NFATC2: variants seen among roughly 807,000 people sequenced by gnomAD.
The protein encoded by NFATC2 is nuclear factor of activated T-cells, cytoplasmic 2.
A neutral mutation model predicts 87.3 loss-of-function variants in NFATC2; 22 were observed. That is an observed-to-expected ratio of 0.25 (90% CI 0.18 to 0.36). NFATC2 has a LOEUF of 0.36. Among genes scored for constraint, NFATC2 ranks in the 10% least tolerant of loss-of-function variants. The probability of loss-of-function intolerance (pLI) is 1.00; values close to 1 mark genes in which losing one functional copy is unlikely to be tolerated. For missense variants in NFATC2, 1,149 were observed against 1,259.1 expected, an observed-to-expected ratio of 0.91 and a Z score of 1.32; for synonymous variants, 565 against 542.2, an observed-to-expected ratio of 1.04 and a Z score of -0.58.
chr20:51,513,258 A>G (rs1320660972), intron 3 of NFATC2, among the ~76,000 whole-genome samples: 1 of 152,180 alleles, frequency 6.6e-6, no homozygotes, highest in Non-Finnish European at 1.5e-5. Flanking sequence ...TGGTAGGATC[A>G]CTTGAGCCCA....
intron 5 of NFATC2, among the ~76,000 whole-genome samples, chr20:51,473,140 G>T (rs1483200652): frequency 6.6e-6 from 1 of 152,080 alleles, no homozygotes; most frequent in East Asian, 1.9e-4. Flanking sequence ...CTTCCAAATG[G>T]CAGATCCTGG....
upstream of NFATC2, chr20:51,542,750 G>T: frequency 5.3e-6 from 3 of 567,898 alleles, no homozygotes; most frequent in Non-Finnish European, 6.1e-6. Flanking sequence ...CCGGGGAGGC[G>T]GGGGGGGGGG....
At chr20:51,543,587 C>T (rs1298608201), upstream of NFATC2, among the ~76,000 whole-genome samples, 2 of 152,158 alleles carry the variant, frequency 1.3e-5, no homozygotes, top group African/African-American at 4.8e-5. Context: ...ACGAGGAGTA[C>T]AGTTCTGATG....
chr20:51,540,643 TGAA>T (rs2076792303), intron 1 of NFATC2, among the ~76,000 whole-genome samples: 1 of 124,106 alleles, frequency 8.1e-6, no homozygotes, highest in Non-Finnish European at 1.7e-5. Flanking sequence ...TTCCAAAAAC[TGAA>T]GTTTTTTTTT....
chr20:51,504,181 C>T (rs1303410018), intron 3 of NFATC2, among the ~76,000 whole-genome samples: 1 of 152,152 alleles, frequency 6.6e-6, no homozygotes, highest in Non-Finnish European at 1.5e-5. Flanking sequence ...CACCACCACA[C>T]CCAGCTAATT....
intron 3 of NFATC2, among the ~76,000 whole-genome samples, chr20:51,498,277 G>C (rs2076022454): frequency 6.6e-6 from 1 of 152,110 alleles, no homozygotes; most frequent in South Asian, 2.1e-4. Flanking sequence ...AGACACAGCG[G>C]GGCTCACCAA....
rs564481961 is a variant in NFATC2 at position 51,493,189 on chromosome 20, T to G, written c.1333-17529A>C. 2.0e-5 allele frequency among the ~76,000 whole-genome samples: 3 copies of G among 152,296 alleles called. No homozygotes were observed. The East Asian group carries it at 5.8e-4, about 29-fold the overall frequency. On this transcript the variant is annotated intron_variant, in intron 3 of 10. Transcript: ENST00000371564. The stretch of plus-strand genomic sequence containing the variant: ...TGCTGAACTCGCTGGCTGTGGACCT[T>G]GGGCAGGTCACTCTGACTCTTTGAC...
intron 3 of NFATC2, among the ~76,000 whole-genome samples, chr20:51,490,524 A>T (rs896581976): frequency 3.3e-5 from 5 of 152,202 alleles, no homozygotes; most frequent in African/African-American, 1.2e-4. Flanking sequence ...ATCTCTCCAC[A>T]ATTTAAATTC....
At chr20:51,487,230 C>T (rs780058719) in intron 3 of NFATC2, among the ~76,000 whole-genome samples, 4 of 152,228 alleles carry the variant, frequency 2.6e-5, no homozygotes, top group Admixed American at 6.5e-5. Flanking sequence ...GCAGAAACTC[C>T]GTGCAAGCAT....
intron 1 of NFATC2, among the ~76,000 whole-genome samples, chr20:51,531,494 G>C (rs1360212757): frequency 1.3e-5 from 2 of 152,180 alleles, no homozygotes; most frequent in Non-Finnish European, 2.9e-5. Flanking sequence ...AAGATTGCTG[G>C]GGAGGCCAGT....
intron 3 of NFATC2, among the ~76,000 whole-genome samples, chr20:51,493,647 C>T (rs980679477): frequency 2.0e-5 from 3 of 152,184 alleles, no homozygotes; most frequent in Admixed American, 6.5e-5. Flanking sequence ...ACTGGTTCAA[C>T]GTCACCGCAG....
intron 6 of NFATC2, among the ~76,000 whole-genome samples, chr20:51,451,922 T>C (rs1192661806): frequency 1.3e-5 from 2 of 152,202 alleles, no homozygotes; most frequent in African/African-American, 4.8e-5. Flanking sequence ...TATTTTATTG[T>C]ATATTACAAT....
chr20:51,398,620 GAGAAGC>G lies in NFATC2; in HGVS notation c.*44+17_*44+22del. ...GAAACACACAGCTGGAAAACAAAAG[GAGAAGC>G]AGAAGATATCGATTACCTTTAACTT... is the stretch of plus-strand genomic sequence containing the variant. On this transcript the variant is annotated intron_variant, in intron 10 of 10. Coordinates refer to ENST00000371564, the MANE Select transcript of NFATC2 (RefSeq NM_012340.5). 6.5e-7 allele frequency: 1 copy of G among 1,528,362 alleles called. No individual in the cohort carries two copies. Among genetic ancestry groups the G allele is most frequent in the South Asian group, 1.2e-5 (1 of 82,734 alleles). 94.7% of individuals were successfully genotyped at this position (1,528,362 alleles called of 1,614,324 possible).
chr20:51,552,880 G>A (rs193213794), intron 1 of NFATC2, among the ~76,000 whole-genome samples: 1 of 152,166 alleles, frequency 6.6e-6, no homozygotes, highest in Non-Finnish European at 1.5e-5. Flanking sequence ...CAGTAAACAT[G>A]TGTCATGGTG....
chr20:51,426,509 A>G (rs55936012), intron 9 of NFATC2, among the ~76,000 whole-genome samples: 5,352 of 146,956 alleles, frequency 0.036, 252 homozygotes, highest in East Asian at 0.13. Flanking sequence ...AAAACAGCAG[A>G]TCACATTTAT....
intron 2 of NFATC2, among the ~76,000 whole-genome samples, chr20:51,517,998 G>A (rs1416530471): frequency 6.6e-6 from 1 of 152,004 alleles, no homozygotes; most frequent in Non-Finnish European, 1.5e-5. Flanking sequence ...ACCAAAATGT[G>A]ATCATGGGGG....
chr20:51,542,242 T>G, intron 1 of NFATC2, 128 bp downstream of exon 1: 1 of 1,198,010 alleles, frequency 8.3e-7, no homozygotes, highest in Non-Finnish European at 1.1e-6. Flanking sequence ...GGCACCTGGG[T>G]AGGGGCACCC....
At chr20:51,551,963 C>T (rs2076937944) in intron 1 of NFATC2, among the ~76,000 whole-genome samples, 1 of 151,768 alleles carries the variant, frequency 6.6e-6, no homozygotes, top group South Asian at 2.1e-4. Context: ...GGAGGTGGAG[C>T]TTGCAGTGAG....
intron 1 of NFATC2, among the ~76,000 whole-genome samples, chr20:51,561,489 AAGCAAGCAAGCAAGCAAGC>A (rs1568765962): frequency 1.4e-3 from 124 of 87,494 alleles, no homozygotes; most frequent in South Asian, 2.4e-3. Flanking sequence ...GAAAGAAAGC[AAGCAAGCAAGCAAGCAAGC>A]AAGCAAGCAA....
Sources: gnomAD v4.1 joint callset for allele counts (sites outside exome capture counted in the v4.1 genomes callset) on GRCh38, gnomAD v4.1.1 for gene constraint, MANE v1.5 for transcripts, NCBI Gene and HGNC (gene_info 2026-07-23, HGNC 2026-07-21) for gene names.